The following MSTO1 variants were observed in gnomAD, a reference collection of about 807,000 sequenced individuals.
MSTO1 encodes misato mitochondrial distribution and morphology regulator 1, also known as protein misato homolog 1.
MSTO1 carries 24 observed loss-of-function variants against 55.7 expected under a neutral mutation model. The ratio of observed to expected loss-of-function variants is 0.43; its 90% CI spans 0.31 to 0.61. MSTO1 has a LOEUF of 0.61. Among genes scored for constraint, MSTO1 ranks in the 20% least tolerant of loss-of-function variants. The probability of loss-of-function intolerance (pLI) is 0.09; values close to 1 mark genes in which losing one functional copy is unlikely to be tolerated. For missense variants in MSTO1, 363 were observed against 625.7 expected (o/e 0.58, Z 4.48); for synonymous variants, 162 against 252.8 (o/e 0.64, Z 3.41).
chr1:155,601,098 C>T, the MSTO1 span, among the ~76,000 whole-genome samples: 1 of 148,406 alleles, frequency 6.7e-6, no homozygotes, highest in East Asian at 2.0e-4. Context: ...GGATTATAGG[C>T]TTGAGCCACC....
the MSTO1 span, among the ~76,000 whole-genome samples, chr1:155,588,808 G>C: frequency 6.6e-6 from 1 of 152,128 alleles, no homozygotes; most frequent in Non-Finnish European, 1.5e-5. Context: ...GTCATTTTCA[G>C]CTGATTATTT....
rs372823911 is a variant in MSTO1, at chr1:155,612,108, C to T, written c.678+8C>T. ...GAATGTGACTACTTGCAGGTAGTGG[C>T]GTGGCAATGTGCACTCCAGGGTGGA... is the stretch of plus-strand genomic sequence containing the variant. On this transcript the variant is annotated splice_region_variant and intron_variant, in intron 7 of 13. Transcript: ENST00000245564. 1.8e-5 allele frequency: 29 copies of T among 1,612,366 alleles called. No homozygotes were observed. The highest frequency in any genetic ancestry group is 4.5e-5 in the East Asian group (2 of 44,850).
the MSTO1 span, among the ~76,000 whole-genome samples, chr1:155,568,742 TTTTTGTTTTG>T: frequency 6.6e-6 from 1 of 152,176 alleles, no homozygotes; most frequent in Non-Finnish European, 1.5e-5. Context: ...CCAGCCAGTT[TTTTTGTTTTG>T]TTTTGTTTTG....
the MSTO1 span, among the ~76,000 whole-genome samples, chr1:155,566,867 G>A: frequency 4.0e-5 from 6 of 151,882 alleles, no homozygotes; most frequent in African/African-American, 1.2e-4. Context: ...CGCCCGTCTC[G>A]GCCTCCCAAA....
chr1:155,608,827 T>TA (rs1673123055), upstream of MSTO1, among the ~76,000 whole-genome samples: 3 of 150,586 alleles, frequency 2.0e-5, no homozygotes, highest in South Asian at 6.3e-4. Flanking sequence ...TTTATTTTTT[T>TA]ATTTTTTATT....
At chr1:155,598,799 T>A in the MSTO1 span, 1 of 1,165,256 alleles carries the variant, frequency 8.6e-7, no homozygotes, top group Non-Finnish European at 1.3e-6. Context: ...GTAGTCACGT[T>A]TTCTTTAACA....
At chr1:155,590,888 C>T in the MSTO1 span, 1 of 1,612,388 alleles carries the variant, frequency 6.2e-7, no homozygotes, top group East Asian at 2.2e-5. Flanking sequence ...CCTGAGGTGA[C>T]AAAGACAATC....
upstream of MSTO1, among the ~76,000 whole-genome samples, chr1:155,609,339 G>A (rs1336403441): frequency 1.4e-5 from 2 of 140,196 alleles, no homozygotes; most frequent in Non-Finnish European, 3.0e-5. Flanking sequence ...TCCGCCTCCC[G>A]GGTTCACGCC....
chr1:155,602,822 A>G, the MSTO1 span, among the ~76,000 whole-genome samples: 1 of 152,006 alleles, frequency 6.6e-6, no homozygotes, highest in African/African-American at 2.4e-5. Context: ...CCTCGCAAGC[A>G]CATTTCCAAC....
chr1:155,601,395 C>T, the MSTO1 span, among the ~76,000 whole-genome samples: 1 of 151,964 alleles, frequency 6.6e-6, no homozygotes, highest in Non-Finnish European at 1.5e-5. Flanking sequence ...ACTTGAGCTC[C>T]CAAAGTGCTA....
At chr1:155,590,698 C>A in the MSTO1 span, 2 of 1,528,952 alleles carry the variant, frequency 1.3e-6, no homozygotes, top group Non-Finnish European at 1.8e-6. Context: ...GCCCCGTGAC[C>A]CCCCGGAGGG....
At chr1:155,601,615 G>T in the MSTO1 span, among the ~76,000 whole-genome samples, 1 of 152,056 alleles carries the variant, frequency 6.6e-6, no homozygotes, top group South Asian at 2.1e-4. Flanking sequence ...AACAGAGCAA[G>T]ACACTGTCTC....
At chr1:155,579,277 C>T in the MSTO1 span, among the ~76,000 whole-genome samples, 3 of 151,946 alleles carry the variant, frequency 2.0e-5, no homozygotes, top group Non-Finnish European at 2.9e-5. Context: ...CAAGCCATTG[C>T]ACTCTGGCCT....
At chr1:155,581,749 T>G in the MSTO1 span, among the ~76,000 whole-genome samples, 1 of 151,850 alleles carries the variant, frequency 6.6e-6, no homozygotes, top group Non-Finnish European at 1.5e-5. Flanking sequence ...TTGTTTTGGC[T>G]TCCTATTAGG....
chr1:155,613,032 C>G lies in MSTO1; in HGVS notation c.1099-17C>G, dbSNP rs555340452. ...CTGAGAAAATGTCCTATAACGTGTT[C>G]TCTTCCATCTCTTTAGGTGGTGACA... On this transcript the variant is annotated splice_polypyrimidine_tract_variant and intron_variant, in intron 10 of 13. Coordinates refer to ENST00000245564, the MANE Select transcript of MSTO1 (RefSeq NM_018116.4). 355 of 1,613,840 alleles carry G rather than the reference C, an allele frequency of 2.2e-4. 2 individuals are homozygous for G. The South Asian group carries it at 3.8e-3, about 17-fold the overall frequency.
At chr1:155,584,691 A>AAAAAAAAAAAAAAAAAAG in the MSTO1 span, among the ~76,000 whole-genome samples, 164 of 75,616 alleles carry the variant, frequency 2.2e-3, 6 homozygotes, top group Middle Eastern at 0.017. Context: ...AAAAAAAAAA[A>AAAAAAAAAAAAAAAAAAG]AAAGAAAGAA....
chr1:155,564,683 C>T, the MSTO1 span, among the ~76,000 whole-genome samples: 1 of 152,144 alleles, frequency 6.6e-6, no homozygotes, highest in Admixed American at 6.6e-5. Context: ...TCATGGAGCC[C>T]ACTTGTTTAC....
chr1:155,564,624 G>C, the MSTO1 span, among the ~76,000 whole-genome samples: 1 of 152,330 alleles, frequency 6.6e-6, no homozygotes, highest in African/African-American at 2.4e-5. Context: ...AAAGAGGAAA[G>C]CAGCCTTAAT....
chr1:155,604,844 C>T, the MSTO1 span, among the ~76,000 whole-genome samples: 277 of 151,802 alleles, frequency 1.8e-3, 2 homozygotes, highest in African/African-American at 6.4e-3. Context: ...CACTGCACTC[C>T]GGCTTGAGTG....
Sources: allele counts gnomAD v4.1 joint callset (sites outside exome capture counted in the v4.1 genomes callset), GRCh38; gene constraint gnomAD v4.1.1; transcripts MANE v1.5; gene names NCBI Gene and HGNC (gene_info 2026-07-23, HGNC 2026-07-21).